PPARGC1A: variants seen among roughly 807,000 people sequenced by gnomAD.
PPARGC1A encodes PPARG coactivator 1 alpha.
PPARGC1A carries 25 observed loss-of-function variants against 88.7 expected under a neutral mutation model. The observed-to-expected ratio is 0.28, with a 90% CI of 0.21 to 0.39. PPARGC1A has a LOEUF of 0.39. PPARGC1A is among the 10% of genes least tolerant of loss of function. The pLI, the probability that PPARGC1A is intolerant of heterozygous loss-of-function variation, is 1.00. For missense variants in PPARGC1A, 880 were observed against 968.7 expected, an observed-to-expected ratio of 0.91 and a Z score of 1.22; for synonymous variants, 363 against 355.6, an observed-to-expected ratio of 1.02 and a Z score of -0.24.
chr4:23,885,112 A>T (rs1407409842), intron 1 of PPARGC1A, among the ~76,000 whole-genome samples, 181 bp from the exon 2 acceptor site: 2 of 152,206 alleles, frequency 1.3e-5, no homozygotes, highest in African/African-American at 4.8e-5. Context: ...TGGCTCCTGA[A>T]GGATAATTTC....
intron 1 of PPARGC1A, among the ~76,000 whole-genome samples, chr4:23,888,157 CA>C (rs1553903594): frequency 6.6e-6 from 1 of 152,154 alleles, no homozygotes; most frequent in Non-Finnish European, 1.5e-5. Flanking sequence ...GAGCCGCTGC[CA>C]TGTAGGCAAA....
the PPARGC1A span, among the ~76,000 whole-genome samples, chr4:24,391,406 A>C: frequency 6.6e-6 from 1 of 152,184 alleles, no homozygotes; most frequent in East Asian, 1.9e-4. Flanking sequence ...GTAACATAGC[A>C]AGGTACACTT....
the PPARGC1A span, among the ~76,000 whole-genome samples, chr4:24,183,018 A>G: frequency 6.6e-6 from 1 of 152,114 alleles, no homozygotes; most frequent in Non-Finnish European, 1.5e-5. Context: ...AACATAGACG[A>G]CCTCGGGCTC....
the PPARGC1A span, among the ~76,000 whole-genome samples, chr4:24,423,282 A>G: frequency 6.6e-6 from 1 of 152,180 alleles, no homozygotes; most frequent in Non-Finnish European, 1.5e-5. Flanking sequence ...GGTTGCCTCC[A>G]AATTAAGACC....
intron 7 of PPARGC1A, 73 bp from the exon 8 acceptor site, chr4:23,814,678 G>A (rs945422928): frequency 7.0e-6 from 9 of 1,288,584 alleles, no homozygotes; most frequent in Non-Finnish European, 8.3e-6. Context: ...TCTTAAATGC[G>A]AAGACACATG....
intron 11 of PPARGC1A, 117 bp from the exon 12 acceptor site, chr4:23,801,998 T>C: frequency 7.4e-7 from 1 of 1,352,720 alleles, no homozygotes; most frequent in Non-Finnish European, 1.0e-6. Context: ...TGAATCCATT[T>C]ATCAGTGTGA....
chr4:23,944,294 GA>G, the PPARGC1A span, among the ~76,000 whole-genome samples: 1 of 152,234 alleles, frequency 6.6e-6, no homozygotes, highest in African/African-American at 2.4e-5. Flanking sequence ...GCACAATAAT[GA>G]TAAATAAATA....
chr4:24,387,870 A>AGAG, the PPARGC1A span, among the ~76,000 whole-genome samples: 5 of 79,502 alleles, frequency 6.3e-5, no homozygotes, highest in African/African-American at 2.0e-4. Flanking sequence ...GAGAGAAAGG[A>AGAG]AGAAAGAGAA....
the PPARGC1A span, among the ~76,000 whole-genome samples, chr4:24,283,900 G>A: frequency 6.6e-6 from 1 of 152,118 alleles, no homozygotes; most frequent in Admixed American, 6.5e-5. Context: ...CCATGACTAG[G>A]GCTCAAATAA....
At chr4:24,463,540 C>T in the PPARGC1A span, among the ~76,000 whole-genome samples, 2 of 152,180 alleles carry the variant, frequency 1.3e-5, no homozygotes, top group African/African-American at 4.8e-5. Context: ...AGAGATGGAA[C>T]AAAGAATGAT....
upstream of PPARGC1A, among the ~76,000 whole-genome samples, chr4:23,900,678 T>TTTAA (rs1719227883): frequency 3.9e-5 from 6 of 152,350 alleles, no homozygotes; most frequent in South Asian, 1.0e-3. Flanking sequence ...GCACATCAGA[T>TTTAA]GTTCTCTTTA....
upstream of PPARGC1A, among the ~76,000 whole-genome samples, chr4:23,893,963 A>C (rs1718211136): frequency 6.6e-6 from 1 of 152,194 alleles, no homozygotes; most frequent in Non-Finnish European, 1.5e-5. Context: ...TCCAATAAAA[A>C]TGACCTGTGT....
the PPARGC1A span, among the ~76,000 whole-genome samples, chr4:24,400,417 G>A: frequency 1.3e-5 from 2 of 152,128 alleles, no homozygotes; most frequent in African/African-American, 4.8e-5. Context: ...CTCAAACATT[G>A]GACTCCAGGT....
the PPARGC1A span, among the ~76,000 whole-genome samples, chr4:24,022,946 C>T: frequency 6.6e-6 from 1 of 152,120 alleles, no homozygotes; most frequent in African/African-American, 2.4e-5. Flanking sequence ...ATGAATAAGA[C>T]ATGTGCCTTA....
chr4:24,323,713 T>C, the PPARGC1A span, among the ~76,000 whole-genome samples: 2 of 152,228 alleles, frequency 1.3e-5, no homozygotes, highest in African/African-American at 4.8e-5. Flanking sequence ...CGGACGTGCA[T>C]GAAGTTTGGT....
chr4:24,412,377 A>G, the PPARGC1A span, among the ~76,000 whole-genome samples: 1 of 152,066 alleles, frequency 6.6e-6, no homozygotes. Flanking sequence ...CAATGTTCAT[A>G]TTTTTTAATG....
the PPARGC1A span, among the ~76,000 whole-genome samples, chr4:24,384,244 G>A: frequency 3.9e-5 from 6 of 152,048 alleles, no homozygotes; most frequent in Non-Finnish European, 8.8e-5. Context: ...CACTAAATAT[G>A]GAGAGGAAAA....
At chr4:23,956,715 C>T in the PPARGC1A span, among the ~76,000 whole-genome samples, 6 of 152,090 alleles carry the variant, frequency 3.9e-5, no homozygotes, top group African/African-American at 1.4e-4. Flanking sequence ...CAAATATTTC[C>T]CTCCATGATT....
the PPARGC1A span, among the ~76,000 whole-genome samples, chr4:24,262,504 G>A: frequency 6.6e-6 from 1 of 152,140 alleles, no homozygotes; most frequent in Non-Finnish European, 1.5e-5. Context: ...TAACTTCAAA[G>A]AGTAAAGGAA....
Sources: allele counts gnomAD v4.1 joint callset (sites outside exome capture counted in the v4.1 genomes callset), GRCh38; gene constraint gnomAD v4.1.1; transcripts MANE v1.5; gene names NCBI Gene and HGNC (gene_info 2026-07-23, HGNC 2026-07-21).